Variants in THSD7B observed in about 807,000 individuals in gnomAD.
THSD7B encodes the protein thrombospondin type 1 domain containing 7B.
THSD7B carries 138 observed loss-of-function variants against 213.6 expected under a neutral mutation model. That is an observed-to-expected ratio of 0.65 (90% CI 0.56 to 0.74). The LOEUF (loss-of-function observed/expected upper bound fraction) is 0.74. THSD7B is among the 30% of genes least tolerant of loss of function. THSD7B has a pLI of 0.00. For missense variants in THSD7B, 1,931 were observed against 1,991.5 expected (o/e 0.97, Z 0.58); for synonymous variants, 742 against 687.0 (o/e 1.08, Z -1.25).
intron 7 of THSD7B, among the ~76,000 whole-genome samples, chr2:137,209,877 C>T (rs2375450): frequency 0.6 from 90,715 of 151,666 alleles, 27,506 homozygotes; most frequent in South Asian, 0.71. Context: ...ATGGGGCCTT[C>T]AAAGAATGAT....
At chr2:137,077,648 C>A (rs34744582) in intron 3 of THSD7B, among the ~76,000 whole-genome samples, 1 of 151,772 alleles carries the variant, frequency 6.6e-6, no homozygotes, top group South Asian at 2.1e-4. Context: ...TGTTCATATC[C>A]TTCGCCCACT....
intron 7 of THSD7B, among the ~76,000 whole-genome samples, chr2:137,188,614 C>T (rs1680599015): frequency 6.6e-6 from 1 of 152,124 alleles, no homozygotes. Context: ...TTGGGAGTGT[C>T]CTAAATTGTT....
chr2:137,169,167 GAAA>G (rs58288399), intron 6 of THSD7B, among the ~76,000 whole-genome samples: 1 of 118,160 alleles, frequency 8.5e-6, no homozygotes, highest in Non-Finnish European at 1.7e-5. Flanking sequence ...GTTATCTTAG[GAAA>G]AAAAAAAAAA....
At chr2:137,319,223 CTTT>C (rs756553883) in intron 12 of THSD7B, among the ~76,000 whole-genome samples, 2 of 137,946 alleles carry the variant, frequency 1.4e-5, no homozygotes, top group Admixed American at 7.3e-5. Flanking sequence ...GTATATATTT[CTTT>C]TTTTTTTTTT....
intron 2 of THSD7B, among the ~76,000 whole-genome samples, chr2:137,001,017 T>G (rs550614331): frequency 1.3e-5 from 2 of 152,232 alleles, no homozygotes; most frequent in East Asian, 3.9e-4. Flanking sequence ...AATACTATGT[T>G]TACATTACAG....
At chr2:137,593,723 G>A (rs991090668) in intron 17 of THSD7B, among the ~76,000 whole-genome samples, 27 of 151,918 alleles carry the variant, frequency 1.8e-4, no homozygotes, top group Non-Finnish European at 2.2e-4. Context: ...TTTATATTGC[G>A]TTTTACCTTT....
chr2:137,470,925 T>C (rs1245709540), intron 15 of THSD7B, among the ~76,000 whole-genome samples: 7 of 147,306 alleles, frequency 4.8e-5, no homozygotes, highest in Non-Finnish European at 1.0e-4. Context: ...TTTTTTTTTT[T>C]TTTTTCTTTT....
intron 2 of THSD7B, among the ~76,000 whole-genome samples, chr2:136,951,394 T>A (rs1387075564): frequency 6.6e-6 from 1 of 152,228 alleles, no homozygotes; most frequent in East Asian, 1.9e-4. Context: ...AATTTGAATG[T>A]AGCAAACTCT....
chr2:136,971,652 A>ACACACG (rs1351821085), intron 2 of THSD7B, among the ~76,000 whole-genome samples: 3 of 150,832 alleles, frequency 2.0e-5, no homozygotes, highest in Non-Finnish European at 3.0e-5. Flanking sequence ...ACACACACAC[A>ACACACG]CACACACACA....
chr2:137,340,676 T>G (rs983464166), intron 12 of THSD7B, among the ~76,000 whole-genome samples: 2 of 151,844 alleles, frequency 1.3e-5, no homozygotes, highest in African/African-American at 4.8e-5. Flanking sequence ...GAATATGCAG[T>G]ATTTTTGTCT....
rs76952770 is a variant in THSD7B at position 136,839,676 on chromosome 2, C to T, written c.-35-42468C>T. Among the ~76,000 whole-genome samples the T allele has an allele frequency of 1.7e-4, 26 of 152,252 alleles. No homozygotes were observed. The East Asian group carries it at 4.4e-3, about 26-fold the overall frequency. ...AAAACTTTCAAAAAAATGATCAATG[C>T]CTCTCTTTAACCTATTGATCACATT... On this transcript the variant is annotated intron_variant, in intron 1 of 27. Coordinates refer to ENST00000409968, the MANE Select transcript of THSD7B (RefSeq NM_001316349.2).
intron 7 of THSD7B, among the ~76,000 whole-genome samples, chr2:137,200,281 CT>C (rs1487917405): frequency 6.6e-6 from 1 of 152,080 alleles, no homozygotes; most frequent in African/African-American, 2.4e-5. Flanking sequence ...GTCAGTGCTT[CT>C]GGAATTAATG....
intron 12 of THSD7B, among the ~76,000 whole-genome samples, chr2:137,328,101 C>T (rs1684413209): frequency 6.6e-6 from 1 of 152,150 alleles, no homozygotes; most frequent in Admixed American, 6.5e-5. Flanking sequence ...ACAAGGGGGA[C>T]ATAGCTGCGT....
At chr2:137,036,211 A>G (rs1686771313) in intron 2 of THSD7B, among the ~76,000 whole-genome samples, 1 of 152,180 alleles carries the variant, frequency 6.6e-6, no homozygotes, top group Admixed American at 6.6e-5. Context: ...CCATAGAACT[A>G]CCTTACAGTT....
intron 2 of THSD7B, among the ~76,000 whole-genome samples, chr2:137,011,673 G>T (rs1686233292): frequency 6.6e-6 from 1 of 152,134 alleles, no homozygotes; most frequent in Non-Finnish European, 1.5e-5. Flanking sequence ...ACTCACTGGT[G>T]TTTGCTTGTG....
chr2:137,659,071 G>C (rs183412021), intron 24 of THSD7B, among the ~76,000 whole-genome samples: 73 of 150,792 alleles, frequency 4.8e-4, no homozygotes, highest in African/African-American at 1.7e-3. Context: ...CAAGTACTGT[G>C]TCAGATGTTT....
chr2:136,793,813 T>C (rs1030254837), intron 1 of THSD7B, among the ~76,000 whole-genome samples: 1 of 150,498 alleles, frequency 6.6e-6, no homozygotes, highest in Non-Finnish European at 1.5e-5. Flanking sequence ...TATTTTTACT[T>C]TTTTTTTTAT....
chr2:137,631,751 G>A (rs1448237704), intron 20 of THSD7B, among the ~76,000 whole-genome samples: 1 of 152,134 alleles, frequency 6.6e-6, no homozygotes, highest in African/African-American at 2.4e-5. Flanking sequence ...AAGAAGCTAG[G>A]TAGTGGAATG....
At chr2:136,870,096 G>A (rs1161140558) in intron 1 of THSD7B, among the ~76,000 whole-genome samples, 1 of 148,486 alleles carries the variant, frequency 6.7e-6, no homozygotes, top group African/African-American at 2.5e-5. Flanking sequence ...AAAAGTGTCA[G>A]CATTTGTGCC....
Sources: allele counts gnomAD v4.1 joint callset (sites outside exome capture counted in the v4.1 genomes callset), GRCh38; gene constraint gnomAD v4.1.1; transcripts MANE v1.5; gene names NCBI Gene and HGNC (gene_info 2026-07-23, HGNC 2026-07-21).